The following RBFOX1 variants were observed in gnomAD, a reference collection of about 807,000 sequenced individuals.
RBFOX1 encodes the protein RNA binding fox-1 homolog 1.
In RBFOX1, 8 loss-of-function variants were observed where a neutral mutation model predicts 57.7. The ratio of observed to expected loss-of-function variants is 0.14; its 90% CI spans 0.08 to 0.25. The LOEUF (loss-of-function observed/expected upper bound fraction) is 0.25, where lower values mean the gene tolerates loss of function less well. RBFOX1 is among the 10% of genes least tolerant of loss of function. The pLI, the probability that RBFOX1 is intolerant of heterozygous loss-of-function variation, is 1.00. For missense variants in RBFOX1, 611 were observed against 548.5 expected, an observed-to-expected ratio of 1.11 and a Z score of -1.14; for synonymous variants, 326 against 222.4, an observed-to-expected ratio of 1.47 and a Z score of -4.15.
chr16:7,698,790 T>C (rs978167861), intron 14 of RBFOX1, among the ~76,000 whole-genome samples: 2 of 152,118 alleles, frequency 1.3e-5, no homozygotes, highest in African/African-American at 4.8e-5. Context: ...GCAAAGGAAC[T>C]TAGGAAACAT....
At chr16:6,020,832 G>A (rs1208763114) in intron 1 of RBFOX1, among the ~76,000 whole-genome samples, 2 of 152,166 alleles carry the variant, frequency 1.3e-5, no homozygotes, top group African/African-American at 4.8e-5. Context: ...CCTCCCTGGC[G>A]CCAGCTGCGG....
At chr16:5,621,226 C>A (rs55743318) in intron 3 of RBFOX1, among the ~76,000 whole-genome samples, 2 of 151,988 alleles carry the variant, frequency 1.3e-5, no homozygotes, top group African/African-American at 2.4e-5. Flanking sequence ...ATCTTCCCAC[C>A]TCAACCTCCC....
At chr16:6,909,566 A>G (rs550491943) in intron 3 of RBFOX1, among the ~76,000 whole-genome samples, 7 of 152,336 alleles carry the variant, frequency 4.6e-5, no homozygotes, top group Admixed American at 6.5e-5. Context: ...ATGCATTCAT[A>G]TTCAGGCTCA....
intron 14 of RBFOX1, among the ~76,000 whole-genome samples, chr16:7,705,861 T>C (rs1312312409): frequency 1.3e-5 from 2 of 152,200 alleles, no homozygotes; most frequent in East Asian, 1.9e-4. Context: ...TGAAGATTTC[T>C]TCCGAAATTA....
chr16:6,765,766 A>C (rs536385123), intron 3 of RBFOX1, among the ~76,000 whole-genome samples: 7 of 152,330 alleles, frequency 4.6e-5, no homozygotes, highest in Admixed American at 2.6e-4. Context: ...TAGATAAGGA[A>C]AATATGGTAT....
At chr16:5,594,695 T>A (rs11076939) in intron 2 of RBFOX1, among the ~76,000 whole-genome samples, 84 of 152,140 alleles carry the variant, frequency 5.5e-4, no homozygotes, top group African/African-American at 2.0e-3. Context: ...ATTTATGTCA[T>A]TGAGCAGAGA....
chr16:5,723,621 G>C (rs111460210), intron 3 of RBFOX1, among the ~76,000 whole-genome samples: 3,578 of 132,764 alleles, frequency 0.027, 400 homozygotes, highest in African/African-American at 0.14. Context: ...GGGCTGGATG[G>C]TGTCTGAGGT....
intron 1 of RBFOX1, among the ~76,000 whole-genome samples, chr16:5,274,931 A>C (rs187491038): frequency 6.6e-6 from 1 of 152,172 alleles, no homozygotes; most frequent in Non-Finnish European, 1.5e-5. Context: ...TGGCCACCCA[A>C]CTTGAACAGT....
chr16:6,056,524 C>G (rs1322110765), intron 1 of RBFOX1, among the ~76,000 whole-genome samples: 2 of 152,112 alleles, frequency 1.3e-5, no homozygotes, highest in South Asian at 2.1e-4. Flanking sequence ...AAAATAAAAA[C>G]CTTGTAATTT....
intron 3 of RBFOX1, among the ~76,000 whole-genome samples, chr16:7,010,254 C>G (rs940995877): frequency 1.3e-5 from 2 of 152,194 alleles, no homozygotes; most frequent in Non-Finnish European, 2.9e-5. Context: ...AGCTAAATGG[C>G]AAATTCTCCA....
At chr16:5,505,261 G>C (rs2043341548) in intron 2 of RBFOX1, among the ~76,000 whole-genome samples, 1 of 152,178 alleles carries the variant, frequency 6.6e-6, no homozygotes, top group African/African-American at 2.4e-5. Context: ...CTTAACGCAG[G>C]GGGCGTTGGG....
At chr16:5,536,025 C>G (rs748555977) in intron 2 of RBFOX1, among the ~76,000 whole-genome samples, 1 of 152,044 alleles carries the variant, frequency 6.6e-6, no homozygotes, top group Non-Finnish European at 1.5e-5. Flanking sequence ...GCCCCCTTTC[C>G]TGACAGGGAA....
chr16:5,684,538 C>G (rs2050443926), intron 3 of RBFOX1, among the ~76,000 whole-genome samples: 1 of 152,102 alleles, frequency 6.6e-6, no homozygotes, highest in East Asian at 1.9e-4. Flanking sequence ...CACACAAACA[C>G]CTACATTTCT....
chr16:7,551,688 A>T (rs1234125263), intron 5 of RBFOX1, among the ~76,000 whole-genome samples: 1 of 152,194 alleles, frequency 6.6e-6, no homozygotes, highest in Non-Finnish European at 1.5e-5. Context: ...GGCATGCAGG[A>T]AGCTGCTGGA....
chr16:5,391,523 T>G (rs1228064059), intron 1 of RBFOX1, among the ~76,000 whole-genome samples: 1 of 152,042 alleles, frequency 6.6e-6, no homozygotes, highest in Middle Eastern at 3.4e-3. Context: ...CATTTTAAGG[T>G]CAGCAGCCTT....
intron 3 of RBFOX1, among the ~76,000 whole-genome samples, chr16:5,856,571 G>A (rs1269284123): frequency 4.6e-3 from 128 of 27,854 alleles, no homozygotes; most frequent in Non-Finnish European, 7.5e-3. Flanking sequence ...GTATGTGTGT[G>A]TGTGTATATA....
chr16:6,576,993 C>A (rs755175296), intron 2 of RBFOX1: 3 of 152,180 alleles, frequency 2.0e-5, no homozygotes, highest in African/African-American at 7.2e-5. Flanking sequence ...GACATGTGAC[C>A]GAATTCTGCC....
intron 4 of RBFOX1, among the ~76,000 whole-genome samples, chr16:5,890,151 C>G (rs1044094122): frequency 2.6e-4 from 39 of 152,154 alleles, no homozygotes; most frequent in African/African-American, 8.9e-4. Flanking sequence ...GGGATGAGAC[C>G]TGGCTTCAGA....
Position 6,060,814 on chromosome 16 carries a change from T to C in RBFOX1, c.-127+40822T>C, listed in dbSNP as rs114094959. 3.8e-3 allele frequency among the ~76,000 whole-genome samples: 572 copies of C among 152,306 alleles called. 2 individuals are homozygous for C. The highest frequency in any genetic ancestry group is 0.013 in the African/African-American group (524 of 41,568). Reference sequence around the variant, plus strand: ...AAGAACTGAAACCAGGAAGGGAACATCTACAGGAGCAGAGATTACACTGTT... The same window carrying C: ...AAGAACTGAAACCAGGAAGGGAACACCTACAGGAGCAGAGATTACACTGTT... On this transcript the variant is annotated intron_variant, in intron 1 of 15. Transcript: ENST00000550418.
Sources: allele counts gnomAD v4.1 joint callset (sites outside exome capture counted in the v4.1 genomes callset), GRCh38; gene constraint gnomAD v4.1.1; transcripts MANE v1.5; gene names NCBI Gene and HGNC (gene_info 2026-07-23, HGNC 2026-07-21).